RXFP2: variants seen among roughly 807,000 people sequenced by gnomAD.
RXFP2 encodes the protein relaxin receptor 2.
In RXFP2, 68 loss-of-function variants were observed where a neutral mutation model predicts 88.6. The observed-to-expected ratio is 0.77, with a 90% CI of 0.63 to 0.94. The LOEUF (loss-of-function observed/expected upper bound fraction) is 0.94. Among genes scored for constraint, RXFP2 ranks in the 40% least tolerant of loss-of-function variants. The probability of loss-of-function intolerance (pLI) is 0.00; values close to 1 mark genes in which losing one functional copy is unlikely to be tolerated. For missense variants in RXFP2, 791 were observed against 893.9 expected, an observed-to-expected ratio of 0.88 and a Z score of 1.47; for synonymous variants, 329 against 306.8, an observed-to-expected ratio of 1.07 and a Z score of -0.76.
chr13:31,802,537 C>A lies in RXFP2; in HGVS notation c.*132C>A. On this transcript the variant is annotated 3_prime_UTR_variant, in exon 18 of 18. Coordinates refer to ENST00000298386, the MANE Select transcript of RXFP2 (RefSeq NM_130806.5). ...CTGCACAGAGAGCACAGCAGAATGG[C>A]TCCTGTCACTGCATTCCAATGGCAG... The A allele has an allele frequency of 3.1e-6, 3 of 960,448 alleles. No homozygotes were observed. Among genetic ancestry groups the A allele is most frequent in the Non-Finnish European group, 5.0e-6 (3 of 604,068 alleles). The allele number at this position is 960,448 out of a possible 1,614,324, so 59.5% of individuals were successfully genotyped here. A position where few individuals can be genotyped will look rare whatever the true frequency, so the allele number is the denominator to read the frequency against.
chr13:31,773,101 G>C (rs1181372859), intron 5 of RXFP2, among the ~76,000 whole-genome samples: 3 of 152,164 alleles, frequency 2.0e-5, no homozygotes, highest in Non-Finnish European at 4.4e-5. Context: ...TCAAGGCTCT[G>C]AAAGTGCTAA....
intron 5 of RXFP2, among the ~76,000 whole-genome samples, chr13:31,767,226 G>A (rs1426865776): frequency 1.3e-5 from 2 of 152,158 alleles, no homozygotes; most frequent in South Asian, 2.1e-4. Context: ...AGTCCATGAC[G>A]TAGAACCTTG....
chr13:31,752,799 C>T (rs556657660), intron 1 of RXFP2, among the ~76,000 whole-genome samples: 1 of 152,172 alleles, frequency 6.6e-6, no homozygotes, highest in Admixed American at 6.5e-5. Context: ...CTGCTGCCCC[C>T]CTCAGAGATG....
intron 1 of RXFP2, among the ~76,000 whole-genome samples, chr13:31,756,257 G>A (rs76254830): frequency 0.01 from 1,565 of 152,306 alleles, 8 homozygotes; most frequent in Middle Eastern, 0.031. Context: ...GGCCTCACAA[G>A]AGCATTTTCC....
intron 14 of RXFP2, among the ~76,000 whole-genome samples, chr13:31,791,070 A>G (rs766833134): frequency 6.6e-6 from 1 of 152,224 alleles, no homozygotes; most frequent in African/African-American, 2.4e-5. Flanking sequence ...GAAGTAGCAA[A>G]CGAATAAAAA....
intron 1 of RXFP2, among the ~76,000 whole-genome samples, chr13:31,757,570 C>T (rs891298330): frequency 1.9e-4 from 29 of 152,320 alleles, no homozygotes; most frequent in Admixed American, 7.2e-4. Context: ...TATCATGTCA[C>T]CTCAAGTCCT....
intron 5 of RXFP2, among the ~76,000 whole-genome samples, chr13:31,773,667 A>G (rs1037864233): frequency 2.1e-4 from 32 of 152,116 alleles, no homozygotes; most frequent in African/African-American, 7.5e-4. Flanking sequence ...GACAATCGTG[A>G]CTCAGAGGCA....
intron 17 of RXFP2, among the ~76,000 whole-genome samples, chr13:31,798,331 C>T (rs1189614824): frequency 6.6e-6 from 1 of 152,210 alleles, no homozygotes; most frequent in African/African-American, 2.4e-5. Context: ...GCTATCAGTT[C>T]TGTCTCCACA....
Position 31,761,733 on chromosome 13 carries a change from G to C in RXFP2, c.251G>C (p.Ser84Thr), listed in dbSNP as rs758330882. The change falls in exon 3 of 18, where the codon AGT (serine) becomes ACT (threonine). Residue 84 changes from serine to threonine, a missense_variant. Transcript: ENST00000298386. ...GADEENCGDT[S>T]GWATIFGTVH... is the part of the protein sequence containing the mutation. ...AATCACTATTTCACAGGTGACACTA[G>C]TGGATGGGCGACCATATTTGGCACA... 1.2e-6 allele frequency: 2 copies of C among 1,611,212 alleles called. No homozygotes were observed. Among genetic ancestry groups the C allele is most frequent in the South Asian group, 1.1e-5 (1 of 91,034 alleles).
At chr13:31,756,873 G>A (rs1212001570) in intron 1 of RXFP2, among the ~76,000 whole-genome samples, 2 of 151,842 alleles carry the variant, frequency 1.3e-5, no homozygotes, top group African/African-American at 2.4e-5. Flanking sequence ...TCCCCACCTC[G>A]GCCTCAAAGT....
At chr13:31,748,266 C>T (rs925251895) in intron 1 of RXFP2, among the ~76,000 whole-genome samples, 7 of 152,146 alleles carry the variant, frequency 4.6e-5, no homozygotes, top group East Asian at 1.9e-4. Flanking sequence ...TCTACTGACT[C>T]GTAGGGTTTG....
In RXFP2 at chr13:31,774,734, A is replaced by C. The variant is rs780927595; in HGVS notation, c.569+43A>C. 57 of 1,005,074 alleles carry C rather than the reference A, an allele frequency of 5.7e-5. No individual in the cohort carries two copies. In the African/African-American group the frequency reaches 8.1e-4, roughly 14 times the overall value. 62.3% of individuals were successfully genotyped at this position (1,005,074 alleles called of 1,614,324 possible). ...CATATTGTAGGTATAATTTTAAGCA[A>C]AGACTAAAAGGATAGAATGGTACTT... On this transcript the variant is annotated intron_variant, in intron 6 of 17. Transcript: ENST00000298386.
At chr13:31,761,869 T>G (rs777096033) in intron 3 of RXFP2, 68 bp downstream of exon 3, 1 of 1,055,568 alleles carries the variant, frequency 9.5e-7, no homozygotes, top group Non-Finnish European at 1.5e-6. Flanking sequence ...CACAGATTTA[T>G]ATGGGTAATG....
chr13:31,755,793 C>T (rs1039332077), intron 1 of RXFP2, among the ~76,000 whole-genome samples: 3 of 152,156 alleles, frequency 2.0e-5, no homozygotes, highest in African/African-American at 7.2e-5. Flanking sequence ...TGCCTAGCTG[C>T]CGGTAGTAAA....
chr13:31,794,523 C>A (rs73445382), intron 16 of RXFP2, among the ~76,000 whole-genome samples: 1,625 of 152,108 alleles, frequency 0.011, 39 homozygotes, highest in African/African-American at 0.036. Context: ...GCCTTACAGA[C>A]CACAGAGGAG....
chr13:31,786,527 A>G, intron 12 of RXFP2, 39 bp from the exon 13 acceptor site: 1 of 1,540,666 alleles, frequency 6.5e-7, no homozygotes, highest in East Asian at 2.3e-5. Context: ...AATACCTTCA[A>G]ACTTCTTTTC....
At chr13:31,796,632 G>A (rs563607171) in intron 16 of RXFP2, among the ~76,000 whole-genome samples, 134 of 152,236 alleles carry the variant, frequency 8.8e-4, no homozygotes, top group Middle Eastern at 3.4e-3. Flanking sequence ...TTCCTCATAA[G>A]GGTTTATGTA....
At chr13:31,770,603 A>G (rs554948568) in intron 5 of RXFP2, among the ~76,000 whole-genome samples, 1 of 152,318 alleles carries the variant, frequency 6.6e-6, no homozygotes, top group South Asian at 2.1e-4. Context: ...TCACAACATT[A>G]TAAAACAGGT....
At chr13:31,782,870 A>T (rs1185689132) in intron 11 of RXFP2, 123 bp downstream of exon 11, 1 of 685,130 alleles carries the variant, frequency 1.5e-6, no homozygotes, top group African/African-American at 1.8e-5. Flanking sequence ...GGATATTAAA[A>T]ATCAATTAAG....
Sources: allele counts gnomAD v4.1 joint callset (sites outside exome capture counted in the v4.1 genomes callset), GRCh38; gene constraint gnomAD v4.1.1; transcripts MANE v1.5; gene names NCBI Gene and HGNC (gene_info 2026-07-23, HGNC 2026-07-21).